Variants in LY9 observed in about 807,000 individuals in gnomAD.
The protein encoded by LY9 is T-lymphocyte surface antigen Ly-9.
Under a neutral mutation model 64.6 loss-of-function variants are expected in LY9, and 59 were observed. The ratio of observed to expected loss-of-function variants is 0.91; its 90% CI spans 0.74 to 1.13. The LOEUF is 1.13. Ranked by LOEUF, LY9 falls within the 50% of genes most tolerant of loss-of-function variation. The pLI, the probability that LY9 is intolerant of heterozygous loss-of-function variation, is 0.00. For missense variants in LY9, 789 were observed against 797.2 expected, an observed-to-expected ratio of 0.99 and a Z score of 0.12; for synonymous variants, 281 against 308.5, an observed-to-expected ratio of 0.91 and a Z score of 0.93.
rs114914487 is a variant in LY9, at chr1:160,817,513, A to G, written c.1342+650A>G. ...AAGCCAATAGGAAGCTGATATGGAA[A>G]GGGATGTGGACCACACAGGAACAAA... On this transcript the variant is annotated intron_variant, in intron 5 of 9. Coordinates refer to ENST00000263285, the MANE Select transcript of LY9 (RefSeq NM_002348.4). 6.8e-3 allele frequency among the ~76,000 whole-genome samples: 1,033 copies of G among 152,358 alleles called. 10 individuals are homozygous for G. The highest frequency in any genetic ancestry group is 0.023 in the African/African-American group (958 of 41,570).
intron 1 of LY9, chr1:160,797,239 T>C: frequency 1.0e-6 from 1 of 985,510 alleles, no homozygotes; most frequent in Non-Finnish European, 1.2e-6. Context: ...CCTTCTGTGC[T>C]CCCGCTTTCT....
At chr1:160,809,442 C>T (rs1667291012) in intron 2 of LY9, among the ~76,000 whole-genome samples, 1 of 151,734 alleles carries the variant, frequency 6.6e-6, no homozygotes, top group African/African-American at 2.4e-5. Context: ...TGGACTCAAG[C>T]TGTCCCCTTC....
intron 8 of LY9, 35 bp downstream of exon 8, chr1:160,823,831 T>G (rs1668671727): frequency 1.3e-6 from 2 of 1,505,958 alleles, no homozygotes; most frequent in Non-Finnish European, 1.8e-6. Flanking sequence ...TTCCTCCTCC[T>G]CCCATGTCTA....
intron 9 of LY9, among the ~76,000 whole-genome samples, chr1:160,824,906 G>A (rs1343968523): frequency 2.0e-5 from 3 of 150,934 alleles, no homozygotes; most frequent in Non-Finnish European, 4.4e-5. Context: ...CGTGAACCCA[G>A]GAGGCAGAGC....
intron 2 of LY9, 41 bp from the exon 3 acceptor site, chr1:160,813,595 C>A: frequency 6.3e-7 from 1 of 1,586,242 alleles, no homozygotes; most frequent in Non-Finnish European, 8.6e-7. Flanking sequence ...TTCCTGCTGG[C>A]AAAAGGATCT....
Position 160,814,779 on chromosome 1 carries a change from G to C in LY9, c.1072+18G>C, listed in dbSNP as rs1216120548. ...CATCTACCGTGAGTCTCTGGGCAGG[G>C]CACCCATCACCAGATTCCTTCTCTG... On this transcript the variant is annotated intron_variant, in intron 4 of 9. Transcript: ENST00000263285. 1.9e-6 allele frequency: 3 copies of C among 1,594,130 alleles called. No individual in the cohort carries two copies. Among genetic ancestry groups the C allele is most frequent in the Non-Finnish European group, 2.6e-6 (3 of 1,168,046 alleles).
chr1:160,827,792 T>A lies in LY9; in HGVS notation c.1944T>A (p.Ser648Arg), dbSNP rs1400897480. The A allele has an allele frequency of 1.2e-6, 2 of 1,609,094 alleles. No individual in the cohort carries two copies. Among genetic ancestry groups the A allele is most frequent in the African/African-American group, 2.7e-5 (2 of 74,596 alleles). Residue 648 changes from serine to arginine, a missense_variant, in exon 10 of 10, where the codon AGT becomes AGA. Physicochemically the swap from Ser to Arg is moderately radical, Grantham distance 110. Transcript: ENST00000263285. ...AGAATGATCTTGAGATTCCTGAAAG[T>A]CCTACCTATGAAAATTTCACCTGAA... ...PQQNDLEIPE[S>R]PTYENFT
chr1:160,827,683 T>C, intron 9 of LY9, 65 bp from the exon 10 acceptor site: 1 of 1,321,816 alleles, frequency 7.6e-7, no homozygotes, highest in South Asian at 1.3e-5. Flanking sequence ...TGCCTTCCTC[T>C]TTCATCAGCC....
chr1:160,812,779 T>C (rs1300557287), intron 2 of LY9: 1 of 152,178 alleles, frequency 6.6e-6, no homozygotes, highest in African/African-American at 2.4e-5. Context: ...TTTAATGTAT[T>C]ACCTATTCAA....
chr1:160,822,210 G>C (rs1668518788), intron 7 of LY9, among the ~76,000 whole-genome samples: 1 of 152,040 alleles, frequency 6.6e-6, no homozygotes, highest in Non-Finnish European at 1.5e-5. Context: ...AAGAAAAAGA[G>C]AAACAGCTTC....
intron 2 of LY9, chr1:160,802,507 G>T (rs1035409846): frequency 3.6e-5 from 35 of 985,638 alleles, no homozygotes; most frequent in African/African-American, 3.1e-4. Flanking sequence ...TGCGGGCCGC[G>T]CCAGGCACCA....
Position 160,828,009 on chromosome 1 carries a change from C to A in LY9, c.*193C>A. 1 of 434,802 alleles carries A rather than the reference C, an allele frequency of 2.3e-6. No individual in the cohort carries two copies. The highest frequency in any genetic ancestry group is 4.1e-6 in the Non-Finnish European group (1 of 242,340). 26.9% of individuals were successfully genotyped at this position (434,802 alleles called of 1,614,324 possible). A position where few individuals can be genotyped will look rare whatever the true frequency, so the allele number is the denominator to read the frequency against. Reference sequence around the variant, plus strand: ...AACCCATTAATAGTTCAGACACAGGCTCCTTCTTGGAGCCTATGGGCTTCA... The same window carrying A: ...AACCCATTAATAGTTCAGACACAGGATCCTTCTTGGAGCCTATGGGCTTCA... On this transcript the variant is annotated 3_prime_UTR_variant, in exon 10 of 10. Coordinates refer to ENST00000263285, the MANE Select transcript of LY9 (RefSeq NM_002348.4).
At chr1:160,814,397 C>A (rs1414498208) in intron 3 of LY9, 23 bp from the exon 4 acceptor site, 1 of 1,559,282 alleles carries the variant, frequency 6.4e-7, no homozygotes. Context: ...ACTGAAGCTG[C>A]AATGTCTCAT....
chr1:160,823,136 C>T (rs1668604763), intron 7 of LY9, among the ~76,000 whole-genome samples: 1 of 152,234 alleles, frequency 6.6e-6, no homozygotes. Context: ...CAGGGTGCTC[C>T]TCCAGGGCCA....
At chr1:160,797,210 G>C in intron 1 of LY9, 7 of 985,506 alleles carry the variant, frequency 7.1e-6, no homozygotes, top group Non-Finnish European at 8.4e-6. Context: ...CAGCCACCTG[G>C]GACTGTGGCA....
At chr1:160,800,524 T>C (rs1449406144) in intron 2 of LY9, among the ~76,000 whole-genome samples, 2 of 152,210 alleles carry the variant, frequency 1.3e-5, no homozygotes, top group Non-Finnish European at 2.9e-5. Context: ...GCAAAAGACA[T>C]GATTTCATTC....
At position 160,797,498 on chromosome 1, in the gene LY9, T is replaced by C. The variant is rs182659333; in HGVS notation, c.124+1187T>C. On this transcript the variant is annotated intron_variant, in intron 1 of 9. Transcript: ENST00000263285. ...CTCCAACCTTTGGGGTGTTCCTTGATTGTGTTGAGCAAACCTGAAATAAGC... is the reference window on the plus strand; with the variant it reads ...CTCCAACCTTTGGGGTGTTCCTTGACTGTGTTGAGCAAACCTGAAATAAGC... Among the ~76,000 whole-genome samples the C allele has an allele frequency of 9.8e-5, 15 of 152,306 alleles. No homozygotes were observed. In the East Asian group the frequency reaches 2.9e-3, roughly 29 times the overall value.
At chr1:160,804,909 G>C (rs1302473899) in intron 2 of LY9, among the ~76,000 whole-genome samples, 1 of 151,900 alleles carries the variant, frequency 6.6e-6, no homozygotes, top group Non-Finnish European at 1.5e-5. Context: ...ACGGTCTTTT[G>C]GATTTTGGTC....
chr1:160,826,901 CAA>C (rs779936836), intron 9 of LY9, among the ~76,000 whole-genome samples: 61 of 152,272 alleles, frequency 4.0e-4, no homozygotes, highest in Non-Finnish European at 8.7e-4. Flanking sequence ...CAATACCGGT[CAA>C]ACTTAAAGTC....
Sources: gnomAD v4.1 joint callset for allele counts (sites outside exome capture counted in the v4.1 genomes callset) on GRCh38, gnomAD v4.1.1 for gene constraint, MANE v1.5 for transcripts, NCBI Gene and HGNC (gene_info 2026-07-23, HGNC 2026-07-21) for gene names.